The following RBM5 variants were observed in gnomAD, a reference collection of about 807,000 sequenced individuals.
The protein encoded by RBM5 is RNA binding motif protein 5.
In RBM5, 15 loss-of-function variants were observed where a neutral mutation model predicts 124.6. The observed-to-expected ratio is 0.12, with a 90% CI of 0.08 to 0.19. The LOEUF (loss-of-function observed/expected upper bound fraction) is 0.19, where lower values mean the gene tolerates loss of function less well. Among genes scored for constraint, RBM5 ranks in the 10% least tolerant of loss-of-function variants. The pLI is 1.00. For missense variants in RBM5, 580 were observed against 1,026.5 expected, an observed-to-expected ratio of 0.57 and a Z score of 5.94; for synonymous variants, 337 against 361.2, an observed-to-expected ratio of 0.93 and a Z score of 0.76.
At chr3:50,107,084 A>G in intron 11 of RBM5, 1 of 685,680 alleles carries the variant, frequency 1.5e-6, no homozygotes, top group Non-Finnish European at 2.7e-6. Flanking sequence ...AGATCAGGAG[A>G]AAGGCAAGTA....
chr3:50,108,922 G>A (rs2091090383), intron 14 of RBM5, among the ~76,000 whole-genome samples: 1 of 152,192 alleles, frequency 6.6e-6, no homozygotes, highest in South Asian at 2.1e-4. Context: ...TGAGCAGAGA[G>A]GATGTGGCCC....
intron 4 of RBM5, chr3:50,094,174 TA>T: frequency 5.3e-6 from 1 of 187,326 alleles, no homozygotes; most frequent in Non-Finnish European, 1.1e-5. Context: ...TTTTTTTTTT[TA>T]AGACAGAGTC....
intron 20 of RBM5, 45 bp downstream of exon 20, chr3:50,114,296 G>C (rs918666540): frequency 1.3e-6 from 2 of 1,558,206 alleles, no homozygotes; most frequent in African/African-American, 2.8e-5. Flanking sequence ...TCTGTGGTTT[G>C]TGTCTCACTT....
chr3:50,101,627 A>C (rs1046250048), intron 6 of RBM5: 2 of 152,206 alleles, frequency 1.3e-5, no homozygotes, highest in African/African-American at 4.8e-5. Flanking sequence ...GAACATATAC[A>C]AGGTTCATGT....
chr3:50,118,104 A>G, intron 24 of RBM5: 1 of 579,910 alleles, frequency 1.7e-6, no homozygotes, highest in South Asian at 2.3e-5. Flanking sequence ...CTGAGCAGGC[A>G]TTGAGGGGTG....
In RBM5 at chr3:50,108,118, G is replaced by C. The variant is rs200288461; in HGVS notation, c.1090G>C (p.Gly364Arg). ...TGTTGACTACAGTTATCTGCAACCA[G>C]GTCAAGATGGCTATGCCCAATATGC... The part of the protein sequence containing the change: ...GSVDYSYLQP[G>R]QDGYAQYAQY... The change falls in exon 13 of 25, where the codon GGT becomes CGT. Residue 364 changes from glycine (G) to arginine (R), a missense_variant. This residue lies in a region of RBM5 where 104 missense variants were observed against 128.7 expected (regional missense o/e 0.81). Coordinates refer to ENST00000347869, the MANE Select transcript of RBM5 (RefSeq NM_005778.4). The C allele has an allele frequency of 1.7e-5, 27 of 1,611,610 alleles. No homozygotes were observed. The highest frequency in any genetic ancestry group is 5.9e-6 in the Non-Finnish European group (7 of 1,177,784).
chr3:50,106,884 T>C lies in RBM5; in HGVS notation c.953+20T>C. On this transcript the variant is annotated intron_variant, in intron 11 of 24. Transcript: ENST00000347869. ...CAGAAAGTGAGTGGCTTCATTGTCC[T>C]TATTTCAAACTACTGCATATGCACA... 1 of 1,546,636 alleles carries C rather than the reference T, an allele frequency of 6.5e-7. No individual in the cohort carries two copies. The highest frequency in any genetic ancestry group is 1.1e-5 in the South Asian group (1 of 89,624).
At chr3:50,104,607 C>A in intron 8 of RBM5, 1 of 317,702 alleles carries the variant, frequency 3.1e-6, no homozygotes, top group East Asian at 5.7e-5. Flanking sequence ...CATACCACTG[C>A]ACTCCAGCCT....
At chr3:50,092,623 T>C in intron 3 of RBM5, 1 of 354,736 alleles carries the variant, frequency 2.8e-6, no homozygotes, top group Non-Finnish European at 5.8e-6. Flanking sequence ...ACCATGTACT[T>C]TTGAGCACTT....
intron 4 of RBM5, chr3:50,094,274 A>T (rs1240030589): frequency 6.5e-6 from 1 of 153,614 alleles, no homozygotes; most frequent in African/African-American, 2.4e-5. Context: ...CTCCTGCCTC[A>T]GCCTCCTGAG....
intron 4 of RBM5, chr3:50,099,570 T>A (rs2090895809): frequency 6.4e-6 from 1 of 155,352 alleles, no homozygotes; most frequent in Non-Finnish European, 1.4e-5. Flanking sequence ...TGGTGGTGGA[T>A]GCCTGTAATC....
chr3:50,091,846 A>T, intron 2 of RBM5, 197 bp from the exon 3 acceptor site: 1 of 628,910 alleles, frequency 1.6e-6, no homozygotes, highest in Non-Finnish European at 2.9e-6. Flanking sequence ...ATTCCTGAGA[A>T]TTATCATTAC....
At position 50,117,738 on chromosome 3, in the gene RBM5, G is replaced by C; in HGVS notation, c.2322+359G>C. ...GGAGGTTGCAGTGAGCCGAGATCAC[G>C]CCACTGCACTCCAGCCTGGGCAACA... On this transcript the variant is annotated intron_variant, in intron 24 of 24. Coordinates refer to ENST00000347869, the MANE Select transcript of RBM5 (RefSeq NM_005778.4). The surrounding 1 kb of genome is among the most constrained non-coding windows in gnomAD (Gnocchi z 4.2). 1 of 180,148 alleles carries C rather than the reference G, an allele frequency of 5.6e-6. No homozygotes were observed. 11.2% of individuals were successfully genotyped at this position (180,148 alleles called of 1,614,324 possible).
At chr3:50,096,418 G>T (rs1553681406) in intron 4 of RBM5, among the ~76,000 whole-genome samples, 1 of 151,840 alleles carries the variant, frequency 6.6e-6, no homozygotes, top group Non-Finnish European at 1.5e-5. Flanking sequence ...AGCCTAGGAG[G>T]TCAAGGGTAC....
At chr3:50,093,402 A>G (rs2090745049) in intron 3 of RBM5, among the ~76,000 whole-genome samples, 2 of 151,104 alleles carry the variant, frequency 1.3e-5, no homozygotes, top group East Asian at 1.9e-4. Context: ...TCATCGCACC[A>G]CTGCACTCCA....
rs368219439 is a variant in RBM5, at chr3:50,099,843, T to C, written c.340-139T>C. 76 of 655,690 alleles carry C rather than the reference T, an allele frequency of 1.2e-4. No homozygotes were observed. The East Asian group carries it at 1.7e-3, about 15-fold the overall frequency. The allele number at this position is 655,690 out of a possible 1,614,324, so 40.6% of individuals were successfully genotyped here. A position where few individuals can be genotyped will look rare whatever the true frequency, so the allele number is the denominator to read the frequency against. On this transcript the variant is annotated intron_variant, in intron 4 of 24. Transcript: ENST00000347869. ...TGCCACTGCACTCCAGCCTGGGCAA[T>C]CAAGTGAGTGAGAGACAGAGACTCC...
chr3:50,106,648 C>T (rs980391270), intron 10 of RBM5, 119 bp from the exon 11 acceptor site: 11 of 698,064 alleles, frequency 1.6e-5, no homozygotes, highest in Non-Finnish European at 2.4e-5. Flanking sequence ...TCTGCAAACA[C>T]AATAAGGAAT....
chr3:50,089,349 C>T (rs2090658150), intron 1 of RBM5, among the ~76,000 whole-genome samples: 1 of 152,262 alleles, frequency 6.6e-6, no homozygotes. Context: ...TGGGAGCTCC[C>T]TGGCAGTCTC....
chr3:50,099,857 G>C, intron 4 of RBM5, 125 bp from the exon 5 acceptor site: 1 of 753,760 alleles, frequency 1.3e-6, no homozygotes, highest in Non-Finnish European at 2.1e-6. Context: ...GTGAGTGAGA[G>C]ACAGAGACTC....
Sources: gnomAD v4.1 joint callset for allele counts (sites outside exome capture counted in the v4.1 genomes callset) on GRCh38, gnomAD v4.1.1 for gene constraint, gnomAD v4.1.1 regional missense constraint, Gnocchi (gnomAD v3.1) non-coding constraint, MANE v1.5 for transcripts, NCBI Gene and HGNC (gene_info 2026-07-23, HGNC 2026-07-21) for gene names.